Variants in NGEF observed in about 807,000 individuals in gnomAD.
The protein encoded by NGEF is ephexin-1.
Under a neutral mutation model 80.9 loss-of-function variants are expected in NGEF, and 31 were observed. The observed-to-expected ratio is 0.38, with a 90% CI of 0.29 to 0.52. The LOEUF is 0.52. Among genes scored for constraint, NGEF ranks in the 20% least tolerant of loss-of-function variants. The pLI, the probability that NGEF is intolerant of heterozygous loss-of-function variation, is 0.84. For synonymous variants in NGEF, 371 were observed against 370.2 expected (o/e 1.00, Z -0.03); for missense variants, 709 against 926.2 (o/e 0.77, Z 3.04).
chr2:232,905,169 C>G (rs1575006402), intron 5 of NGEF, among the ~76,000 whole-genome samples: 1 of 152,304 alleles, frequency 6.6e-6, no homozygotes, highest in South Asian at 2.1e-4. Flanking sequence ...CTGGACTGTC[C>G]TGCTGCCATC....
At chr2:233,007,190 G>A (rs1344488745) in intron 1 of NGEF, among the ~76,000 whole-genome samples, 4 of 152,178 alleles carry the variant, frequency 2.6e-5, no homozygotes, top group Non-Finnish European at 5.9e-5. Flanking sequence ...GGTGCAATGA[G>A]CCATGATCCC....
At position 233,006,910 on chromosome 2, in the gene NGEF, A is replaced by G. The variant is rs1413140957; in HGVS notation, c.-75+6158T>C. ...GCCCAGCTCCAGCAAAGTGCTTAAAAACATGATTTCTAAACTGTTTCTCAC... is the reference window on the plus strand; with the variant it reads ...GCCCAGCTCCAGCAAAGTGCTTAAAGACATGATTTCTAAACTGTTTCTCAC... On this transcript the variant is annotated intron_variant, in intron 1 of 14. Coordinates refer to ENST00000264051, the MANE Select transcript of NGEF (RefSeq NM_019850.3). Among the ~76,000 whole-genome samples the G allele has an allele frequency of 4.6e-5, 7 of 152,232 alleles. No individual in the cohort carries two copies. In the South Asian group the frequency reaches 1.5e-3, roughly 32 times the overall value.
chr2:232,968,951 T>C (rs985898303), intron 3 of NGEF, among the ~76,000 whole-genome samples: 1 of 152,062 alleles, frequency 6.6e-6, no homozygotes, highest in Non-Finnish European at 1.5e-5. Flanking sequence ...GATGACAGAG[T>C]AGAAAGCTAG....
intron 5 of NGEF, among the ~76,000 whole-genome samples, chr2:232,915,929 G>A (rs1334410687): frequency 6.6e-6 from 1 of 152,140 alleles, no homozygotes; most frequent in Non-Finnish European, 1.5e-5. Flanking sequence ...GACCTCAGGT[G>A]ATCTACCTGC....
chr2:232,920,678 G>C, intron 4 of NGEF, 93 bp from the exon 5 acceptor site: 1 of 1,300,770 alleles, frequency 7.7e-7, no homozygotes, highest in Non-Finnish European at 1.0e-6. Context: ...TCTTATCAAG[G>C]GTGGCTGCTG....
chr2:232,976,994 G>A (rs1172275893), intron 1 of NGEF, among the ~76,000 whole-genome samples: 6 of 152,166 alleles, frequency 3.9e-5, no homozygotes, highest in Non-Finnish European at 7.3e-5. Context: ...CCATTAATAC[G>A]CACCCTTCCC....
chr2:232,898,999 T>C (rs1219752681), intron 5 of NGEF, among the ~76,000 whole-genome samples: 2 of 151,916 alleles, frequency 1.3e-5, no homozygotes, highest in Non-Finnish European at 2.9e-5. Flanking sequence ...TGAGTGTGAA[T>C]GGGTGTATGT....
chr2:232,952,839 G>A lies in NGEF; in HGVS notation c.383+17375C>T, dbSNP rs148667162. 6.9e-3 allele frequency among the ~76,000 whole-genome samples: 1,043 copies of A among 151,300 alleles called. 14 individuals carry two copies. Among genetic ancestry groups the A allele is most frequent in the African/African-American group, 0.021 (864 of 41,250 alleles). On this transcript the variant is annotated intron_variant, in intron 3 of 14. Transcript: ENST00000264051. ...CAAAAATTAGCTGGGTGTGGTGGCA[G>A]TCACCTGTAATCCCAGCTACTCCAG...
intron 3 of NGEF, among the ~76,000 whole-genome samples, chr2:232,944,760 T>TATA (rs1342850811): frequency 7.4e-6 from 1 of 134,648 alleles, no homozygotes; most frequent in Non-Finnish European, 1.6e-5. Flanking sequence ...TATATATATA[T>TATA]ATCTTTTTGG....
At chr2:233,010,897 A>C (rs900623926) in intron 1 of NGEF, among the ~76,000 whole-genome samples, 6 of 152,176 alleles carry the variant, frequency 3.9e-5, no homozygotes, top group African/African-American at 1.4e-4. Flanking sequence ...AGGTGGTCCC[A>C]GGCCAAGGGA....
intron 5 of NGEF, among the ~76,000 whole-genome samples, chr2:232,918,172 G>A (rs934435600): frequency 1.3e-5 from 2 of 152,168 alleles, no homozygotes; most frequent in African/African-American, 4.8e-5. Flanking sequence ...TTGCCAGGCT[G>A]GTCTCGAACT....
chr2:232,899,341 C>A (rs1215520051), intron 5 of NGEF, among the ~76,000 whole-genome samples: 1 of 152,130 alleles, frequency 6.6e-6, no homozygotes, highest in Non-Finnish European at 1.5e-5. Context: ...GGGAATGGCG[C>A]TCTCAGCTCT....
rs890251370 is a variant in NGEF, at chr2:232,879,224, G to A, written c.*265C>T. Reference sequence around the variant, plus strand: ...GCCCACCCCCTTCCACCCCCTCGGAGGCATGAGGGAGGTGGTGTAATACTG... The same window carrying A: ...GCCCACCCCCTTCCACCCCCTCGGAAGCATGAGGGAGGTGGTGTAATACTG... On this transcript the variant is annotated 3_prime_UTR_variant, in exon 15 of 15. Coordinates refer to ENST00000264051, the MANE Select transcript of NGEF (RefSeq NM_019850.3). 5.2e-6 allele frequency: 2 copies of A among 385,244 alleles called. No homozygotes were observed. Among genetic ancestry groups the A allele is most frequent in the Non-Finnish European group, 9.4e-6 (2 of 212,270 alleles). The allele number at this position is 385,244 out of a possible 1,614,324, so 23.9% of individuals were successfully genotyped here.
At chr2:232,907,482 G>A (rs186831591) in intron 5 of NGEF, among the ~76,000 whole-genome samples, 150 of 152,164 alleles carry the variant, frequency 9.9e-4, no homozygotes, top group Middle Eastern at 3.4e-3. Flanking sequence ...GTTTTGTGTC[G>A]GTTACCAGAT....
At chr2:232,990,207 G>A (rs772962191) in intron 1 of NGEF, among the ~76,000 whole-genome samples, 2 of 152,034 alleles carry the variant, frequency 1.3e-5, no homozygotes, top group Admixed American at 6.6e-5. Context: ...TTCAGCCTAG[G>A]TCCTGAATAA....
chr2:232,944,056 A>C (rs1489096140), intron 3 of NGEF, among the ~76,000 whole-genome samples: 2 of 151,266 alleles, frequency 1.3e-5, no homozygotes, highest in East Asian at 4.0e-4. Flanking sequence ...AACATGGTGA[A>C]ACCCCGTCTC....
At position 232,992,386 on chromosome 2, in the gene NGEF, C is replaced by T. The variant is rs182599963; in HGVS notation, c.-74-17422G>A. Among the ~76,000 whole-genome samples, 372 of 151,904 alleles carry T rather than the reference C, an allele frequency of 2.4e-3. 3 individuals are homozygous for T. Among genetic ancestry groups the T allele is most frequent in the South Asian group, 4.6e-3 (22 of 4,800 alleles). On this transcript the variant is annotated intron_variant, in intron 1 of 14. Coordinates refer to ENST00000264051, the MANE Select transcript of NGEF (RefSeq NM_019850.3). Reference sequence around the variant, plus strand: ...TAGCCTGGTCGACATGGTGAAACGCCGTCTCCACTGCAAATACAAAAATTA... The same window carrying T: ...TAGCCTGGTCGACATGGTGAAACGCTGTCTCCACTGCAAATACAAAAATTA...
At chr2:232,967,706 GGT>G (rs10686172) in intron 3 of NGEF, among the ~76,000 whole-genome samples, 7,769 of 148,358 alleles carry the variant, frequency 0.052, 500 homozygotes, top group African/African-American at 0.16. Context: ...ATAAAATAGG[GGT>G]GTGTGTGTGT....
At chr2:232,933,976 G>A (rs1277181004) in intron 3 of NGEF, among the ~76,000 whole-genome samples, 1 of 152,156 alleles carries the variant, frequency 6.6e-6, no homozygotes, top group Non-Finnish European at 1.5e-5. Flanking sequence ...GGGCACAGTG[G>A]CTCACACCTG....
Sources: gnomAD v4.1 joint callset for allele counts (sites outside exome capture counted in the v4.1 genomes callset) on GRCh38, gnomAD v4.1.1 for gene constraint, MANE v1.5 for transcripts, NCBI Gene and HGNC (gene_info 2026-07-23, HGNC 2026-07-21) for gene names.